Variants in RFPL3 observed in about 807,000 individuals in gnomAD.
RFPL3 encodes ret finger protein-like 3.
A neutral mutation model predicts 8.7 loss-of-function variants in RFPL3; 8 were observed. The observed-to-expected ratio is 0.92, with a 90% CI of 0.54 to 1.66. The LOEUF (loss-of-function observed/expected upper bound fraction) is 1.66, where lower values mean the gene tolerates loss of function less well. Ranked by LOEUF, RFPL3 falls within the 40% of genes most tolerant of loss-of-function variation. RFPL3 has a pLI of 0.00. For missense variants in RFPL3, 341 were observed against 395.0 expected (o/e 0.86, Z 1.16); for synonymous variants, 145 against 150.5 (o/e 0.96, Z 0.27).
rs1214230300 is a variant in RFPL3, at chr22:32,360,387, T to G, written c.509T>G (p.Leu170Arg). The G allele has an allele frequency of 1.9e-6, 3 of 1,613,956 alleles. No individual in the cohort carries two copies. Among genetic ancestry groups the G allele is most frequent in the Non-Finnish European group, 2.5e-6 (3 of 1,179,880 alleles). The change falls in exon 2 of 2, where the codon CTG becomes CGG. Residue 170 changes from leucine to arginine, a missense_variant. Coordinates refer to ENST00000249007, the MANE Select transcript of RFPL3 (RefSeq NM_001098535.1). ...AGATTTGACGTGTCCGTTTGCATCC[T>G]GGGCTCCCCTCGCTTTACCTGTGGC... is the stretch of plus-strand genomic sequence containing the variant. ...AERFDVSVCI[L>R]GSPRFTCGRH...
At position 32,358,051 on chromosome 22, in the gene RFPL3, T is replaced by C; in HGVS notation, c.-21T>C. ...GGTCTTGTTCTCGGAGTGACAAAGC[T>C]GGAACACAATACCTCTATGCATGAA... On this transcript the variant is annotated 5_prime_UTR_variant, in exon 1 of 2. Coordinates refer to ENST00000249007, the MANE Select transcript of RFPL3 (RefSeq NM_001098535.1). 1.2e-6 allele frequency: 2 copies of C among 1,601,846 alleles called. No homozygotes were observed. Among genetic ancestry groups the C allele is most frequent in the South Asian group, 2.3e-5 (2 of 88,664 alleles).
At chr22:32,360,065 G>A (rs570264949) in intron 1 of RFPL3, 187 bp from the exon 2 acceptor site, 21 of 688,430 alleles carry the variant, frequency 3.1e-5, no homozygotes, top group African/African-American at 1.1e-4. Flanking sequence ...TAAGAGTCAC[G>A]TATTGCCACA....
At chr22:32,355,429 A>G (rs553675110), upstream of RFPL3, among the ~76,000 whole-genome samples, 2 of 152,046 alleles carry the variant, frequency 1.3e-5, no homozygotes, top group Admixed American at 6.6e-5. Flanking sequence ...TCACAGAGAA[A>G]GTCCTGATGT....
In RFPL3 at chr22:32,360,907, A is replaced by G. The variant is rs1164923327; in HGVS notation, c.*75A>G. 8.7e-6 allele frequency: 12 copies of G among 1,378,594 alleles called. No homozygotes were observed. Among genetic ancestry groups the G allele is most frequent in the Non-Finnish European group, 1.2e-5 (12 of 1,016,908 alleles). 85.4% of individuals were successfully genotyped at this position (1,378,594 alleles called of 1,614,324 possible). A position where few individuals can be genotyped will look rare whatever the true frequency, so the allele number is the denominator to read the frequency against. ...ACTTAGGAATTTTCTACTTGGTAAA[A>G]GCATTATACAGTCATAGGAGAAAGA... is the stretch of plus-strand genomic sequence containing the variant. On this transcript the variant is annotated 3_prime_UTR_variant, in exon 2 of 2. Transcript: ENST00000249007.
At chr22:32,359,423 T>A (rs1334251917) in intron 1 of RFPL3, among the ~76,000 whole-genome samples, 1 of 152,194 alleles carries the variant, frequency 6.6e-6, no homozygotes, top group East Asian at 1.9e-4. Flanking sequence ...TTGTAGATTT[T>A]TTTTTTTCAG....
chr22:32,358,584 C>G, intron 1 of RFPL3, 140 bp downstream of exon 1: 4 of 1,270,840 alleles, frequency 3.1e-6, no homozygotes, highest in South Asian at 3.0e-5. Context: ...CATTCTCAGC[C>G]CTGACAACAC....
rs150412824 is a variant in RFPL3, at chr22:32,358,027, G to A, written c.-45G>A. Reference sequence around the variant, plus strand: ...ATGTGCTTGAGTGTTTGTACTCATGGTCTTGTTCTCGGAGTGACAAAGCTG... The same window carrying A: ...ATGTGCTTGAGTGTTTGTACTCATGATCTTGTTCTCGGAGTGACAAAGCTG... On this transcript the variant is annotated 5_prime_UTR_variant, in exon 1 of 2. Transcript: ENST00000249007. 14,060 of 1,590,418 alleles carry A rather than the reference G, an allele frequency of 8.8e-3. 105 individuals carry two copies. Among genetic ancestry groups the A allele is most frequent in the Non-Finnish European group, 9.2e-3 (10,799 of 1,167,762 alleles).
upstream of RFPL3, among the ~76,000 whole-genome samples, chr22:32,356,080 C>T (rs910456323): frequency 2.6e-5 from 4 of 151,958 alleles, no homozygotes; most frequent in African/African-American, 9.7e-5. Flanking sequence ...ATGAATTTGA[C>T]GATGCAACAG....
chr22:32,360,164 T>G, intron 1 of RFPL3, 88 bp from the exon 2 acceptor site: 1 of 1,471,298 alleles, frequency 6.8e-7, no homozygotes, highest in Non-Finnish European at 9.1e-7. Flanking sequence ...GAAACTAAAG[T>G]CAGGAGATAT....
upstream of RFPL3, among the ~76,000 whole-genome samples, chr22:32,357,666 AC>A (rs1932713767): frequency 1.3e-5 from 2 of 151,726 alleles, no homozygotes; most frequent in Admixed American, 1.3e-4. Context: ...ATGGGGTTTC[AC>A]CCATCAGGCT....
Position 32,358,208 on chromosome 22 carries a change from A to G in RFPL3, c.137A>G (p.Tyr46Cys). The change falls in exon 1 of 2, where the codon TAT (tyrosine) becomes TGT (cysteine). Residue 46 changes from tyrosine to cysteine, a missense_variant. By Grantham distance (194) the Tyr-to-Cys change is radical. Coordinates refer to ENST00000249007, the MANE Select transcript of RFPL3 (RefSeq NM_001098535.1). ...EASSCPVCSD[Y>C]LEKPMSLECG... ...AGCAGCTGTCCCGTCTGCTCAGACT[A>G]TCTGGAAAAACCAATGTCCCTGGAG... 1 of 1,613,946 alleles carries G rather than the reference A, an allele frequency of 6.2e-7. No homozygotes were observed. The highest frequency in any genetic ancestry group is 1.7e-5 in the Admixed American group (1 of 60,022).
At chr22:32,360,102 G>A in intron 1 of RFPL3, 150 bp from the exon 2 acceptor site, 2 of 987,602 alleles carry the variant, frequency 2.0e-6, no homozygotes, top group Non-Finnish European at 2.9e-6. Context: ...ATTTGAAATA[G>A]GGAAGTTTCC....
upstream of RFPL3, among the ~76,000 whole-genome samples, chr22:32,356,117 C>T (rs1195290308): frequency 2.0e-5 from 3 of 152,084 alleles, no homozygotes; most frequent in East Asian, 5.8e-4. Flanking sequence ...GCTCTCAGGG[C>T]TGGGGAGCTG....
intron 1 of RFPL3, among the ~76,000 whole-genome samples, chr22:32,359,304 A>C (rs937169266): frequency 6.6e-6 from 1 of 152,094 alleles, no homozygotes; most frequent in Non-Finnish European, 1.5e-5. Context: ...TCCCTAATTC[A>C]CCATTAAATA....
Position 32,361,067 on chromosome 22 carries a change from G to T in RFPL3, c.*235G>T. The T allele has an allele frequency of 2.5e-6, 1 of 396,632 alleles. No homozygotes were observed. The highest frequency in any genetic ancestry group is 4.4e-6 in the Non-Finnish European group (1 of 228,692). The allele number at this position is 396,632 out of a possible 1,614,324, so 24.6% of individuals were successfully genotyped here. On this transcript the variant is annotated 3_prime_UTR_variant, in exon 2 of 2. Transcript: ENST00000249007. ...CCTATAGAAATGTTCTGTATTCTCG[G>T]ATCAATTTCCAAATGCTTTACTTTT...
chr22:32,358,885 A>G (rs1027771871), intron 1 of RFPL3, among the ~76,000 whole-genome samples: 2 of 152,212 alleles, frequency 1.3e-5, no homozygotes, highest in Non-Finnish European at 2.9e-5. Context: ...ATTGGCACCC[A>G]TTGTACCAAA....
rs549049588 is a variant in RFPL3, at chr22:32,358,844, A to G, written c.373+400A>G. The stretch of plus-strand genomic sequence containing the variant: ...AGGTTCCCATGAATCTGACATTAAG[A>G]TGGGCCTGGTATTTCTAATGCACAG... On this transcript the variant is annotated intron_variant, in intron 1 of 1. Transcript: ENST00000249007. Among the ~76,000 whole-genome samples the G allele has an allele frequency of 3.3e-5, 5 of 152,298 alleles. No homozygotes were observed. The South Asian group carries it at 1.0e-3, about 32-fold the overall frequency.
At chr22:32,356,286 G>C (rs139000745), upstream of RFPL3, among the ~76,000 whole-genome samples, 2 of 152,206 alleles carry the variant, frequency 1.3e-5, no homozygotes, top group Non-Finnish European at 2.9e-5. Flanking sequence ...GCTTCATCCA[G>C]GAAGTAGTCA....
rs1932778178 is a variant in RFPL3 at position 32,360,796 on chromosome 22, T to C, written c.918T>C (p.Thr306=). Residue 306 remains threonine, a synonymous_variant, in exon 2 of 2, where the codon ACT becomes ACC. Coordinates refer to ENST00000249007, the MANE Select transcript of RFPL3 (RefSeq NM_001098535.1). The part of the protein sequence containing the change: ...LSICPLMNSG[T]TDAPVRPGEA... ...TCTGTCCTTTGATGAACTCAGGCAC[T>C]ACTGATGCTCCAGTCCGTCCTGGGG... 1.3e-6 allele frequency: 2 copies of C among 1,581,478 alleles called. No homozygotes were observed. Among genetic ancestry groups the C allele is most frequent in the Non-Finnish European group, 1.7e-6 (2 of 1,163,614 alleles).
Sources: allele counts gnomAD v4.1 joint callset (sites outside exome capture counted in the v4.1 genomes callset), GRCh38; gene constraint gnomAD v4.1.1; transcripts MANE v1.5; gene names NCBI Gene and HGNC (gene_info 2026-07-23, HGNC 2026-07-21).